RNF40: variants seen among roughly 807,000 people sequenced by gnomAD.
RNF40 encodes the protein E3 ubiquitin-protein ligase BRE1B.
Under a neutral mutation model 123.3 loss-of-function variants are expected in RNF40, and 39 were observed. That is an observed-to-expected ratio of 0.32 (90% CI 0.24 to 0.41). The LOEUF is 0.41. Among genes scored for constraint, RNF40 ranks in the 10% least tolerant of loss-of-function variants. The pLI is 1.00. For missense variants in RNF40, 1,003 were observed against 1,319.9 expected, an observed-to-expected ratio of 0.76 and a Z score of 3.72; for synonymous variants, 538 against 526.0, an observed-to-expected ratio of 1.02 and a Z score of -0.31.
In RNF40 at chr16:30,765,432, C is replaced by T; in HGVS notation, c.926C>T (p.Ser309Phe). ...HLAEALEQLNSGYYVSGSSSG... is the reference protein window; with the variant it reads ...HLAEALEQLNFGYYVSGSSSG... ...TCTGTTTTCTCTCCACAGCTTAACT[C>T]TGGCTACTATGTATCTGGGAGCTCC... is the stretch of plus-strand genomic sequence containing the variant. Residue 309 changes from serine (S) to phenylalanine (F), a missense_variant, in exon 8 of 20, where the codon TCT becomes TTT. Around this residue, in one of 11 missense-constraint regions of RNF40, gnomAD observed 274 missense variants for 356.9 expected, o/e 0.77. Coordinates refer to ENST00000324685, the MANE Select transcript of RNF40 (RefSeq NM_014771.4). The T allele has an allele frequency of 1.9e-6, 3 of 1,614,234 alleles. No homozygotes were observed. The highest frequency in any genetic ancestry group is 2.5e-6 in the Non-Finnish European group (3 of 1,180,044).
In RNF40 at chr16:30,768,946, C is replaced by T. The variant is rs1359935484; in HGVS notation, c.2206C>T (p.Gln736Ter). 6.2e-7 allele frequency: 1 copy of T among 1,613,982 alleles called. No individual in the cohort carries two copies. The highest frequency in any genetic ancestry group is 8.5e-7 in the Non-Finnish European group (1 of 1,180,044). Residue 736 changes from glutamine (Q) to a stop codon, truncating the protein, a stop_gained, in exon 15 of 20, where the codon CAG (glutamine) becomes TAG (stop). Coordinates refer to ENST00000324685, the MANE Select transcript of RNF40 (RefSeq NM_014771.4). LOFTEE classifies it high-confidence loss of function. The surrounding 1 kb of genome is among the most constrained non-coding windows in gnomAD (Gnocchi z 4.1). ...ALRRIRQAEE[Q>*]IEHLQRKLGA... ...GCGGCGCATTCGGCAGGCAGAGGAG[C>T]AGATAGAACACCTGCAGCGCAAGCT...
Position 30,763,437 on chromosome 16 carries a change from C to A in RNF40, c.320C>A (p.Ala107Asp), listed in dbSNP as rs2053937405. 6.2e-7 allele frequency: 1 copy of A among 1,607,948 alleles called. No individual in the cohort carries two copies. The highest frequency in any genetic ancestry group is 8.5e-7 in the Non-Finnish European group (1 of 1,177,270). The change falls in exon 4 of 20, where the codon GCC (alanine) becomes GAC (aspartate). Residue 107 changes from alanine (A) to aspartate (D), a missense_variant. Coordinates refer to ENST00000324685, the MANE Select transcript of RNF40 (RefSeq NM_014771.4). ...YWAQLDETVE[A>D]LLRCHESQGE... is the part of the protein sequence containing the mutation. ...TTCCAGCTGGATGAAACTGTGGAAG[C>A]CCTTCTCCGATGCCATGAGAGCCAG...
intron 4 of RNF40, among the ~76,000 whole-genome samples, chr16:30,763,842 T>G (rs1479933651): frequency 2.0e-5 from 3 of 152,198 alleles, no homozygotes; most frequent in Non-Finnish European, 4.4e-5. Context: ...GTGTTGCACT[T>G]GCTATAAGGG....
In RNF40 at chr16:30,765,173, G is replaced by C. The variant is rs770058380; in HGVS notation, c.772-8G>C. 1.9e-6 allele frequency: 3 copies of C among 1,613,956 alleles called. No homozygotes were observed. Among genetic ancestry groups the C allele is most frequent in the Admixed American group, 3.3e-5 (2 of 59,998 alleles). ...CCATCCAAGCATCTGCTCCCTCATTGTTCCCAGTACTCCGAGCTCCAGGAT... is the reference window on the plus strand; with the variant it reads ...CCATCCAAGCATCTGCTCCCTCATTCTTCCCAGTACTCCGAGCTCCAGGAT... On this transcript the variant is annotated splice_region_variant and splice_polypyrimidine_tract_variant and intron_variant, in intron 6 of 19. Coordinates refer to ENST00000324685, the MANE Select transcript of RNF40 (RefSeq NM_014771.4).
In RNF40 at chr16:30,768,143, A is replaced by C; in HGVS notation, c.1592A>C (p.Asn531Thr). 6.2e-7 allele frequency: 1 copy of C among 1,607,384 alleles called. No homozygotes were observed. The highest frequency in any genetic ancestry group is 1.7e-4 in the Middle Eastern group (1 of 6,020). ...QASGSAHSTP[N>T]LGHPEDSGVS... is the part of the protein sequence containing the mutation. Reference sequence around the variant, plus strand: ...AGTGGCTCTGCCCACTCCACCCCCAACCTGGGCCACCCAGAGGATTCTGGC... The same window carrying C: ...AGTGGCTCTGCCCACTCCACCCCCACCCTGGGCCACCCAGAGGATTCTGGC... The change falls in exon 13 of 20, where the codon AAC (asparagine) becomes ACC (threonine). Residue 531 changes from asparagine (N) to threonine (T), a missense_variant. Asn to Thr is a moderately conservative substitution (Grantham distance 65). Coordinates refer to ENST00000324685, the MANE Select transcript of RNF40 (RefSeq NM_014771.4). The surrounding 1 kb of genome is among the most constrained non-coding windows in gnomAD (Gnocchi z 4.1).
chr16:30,763,421 G>T lies in RNF40; in HGVS notation c.304G>T (p.Asp102Tyr). 6.2e-7 allele frequency: 1 copy of T among 1,604,640 alleles called. No homozygotes were observed. Among genetic ancestry groups the T allele is most frequent in the Non-Finnish European group, 8.5e-7 (1 of 1,175,308 alleles). Residue 102 changes from aspartate to tyrosine, a missense_variant, in exon 4 of 20, where the codon GAT becomes TAT. Transcript: ENST00000324685. Reference protein sequence around the residue: ...LIVNRYWAQLDETVEALLRCH... With the variant: ...LIVNRYWAQLYETVEALLRCH... ...TTTTGATGTTTTCTCCTTCCAGCTG[G>T]ATGAAACTGTGGAAGCCCTTCTCCG...
upstream of RNF40, chr16:30,761,740 G>A (rs1321293766): frequency 6.6e-7 from 1 of 1,522,946 alleles, no homozygotes. Flanking sequence ...TGGTCTTGCG[G>A]TTGAGCATCT....
At position 30,766,639 on chromosome 16, in the gene RNF40, G is replaced by A. The variant is rs530929739; in HGVS notation, c.1293+81G>A. Reference sequence around the variant, plus strand: ...ACGTGTTTGTGCCTTCCGAGGCCCTGTGTGCCAGCCAGGGGTCCCTGGGGA... The same window carrying A: ...ACGTGTTTGTGCCTTCCGAGGCCCTATGTGCCAGCCAGGGGTCCCTGGGGA... On this transcript the variant is annotated intron_variant, in intron 10 of 19. Transcript: ENST00000324685. The surrounding 1 kb of genome is among the most constrained non-coding windows in gnomAD (Gnocchi z 5.4). 6.3e-7 allele frequency: 1 copy of A among 1,584,666 alleles called. No individual in the cohort carries two copies. The highest frequency in any genetic ancestry group is 1.3e-5 in the African/African-American group (1 of 74,352).
Position 30,765,244 on chromosome 16 carries a change from G to T in RNF40, c.835G>T (p.Val279Leu). 1 of 1,614,256 alleles carries T rather than the reference G, an allele frequency of 6.2e-7. No individual in the cohort carries two copies. Residue 279 changes from valine to leucine, a missense_variant, in exon 7 of 20, where the codon GTG (valine) becomes TTG (leucine). Val to Leu is a conservative substitution (Grantham distance 32). This residue lies in a region of RNF40 where 274 missense variants were observed against 356.9 expected (regional missense o/e 0.77). Transcript: ENST00000324685. ...CAAGGTGCTGGAGATGGAGACAACA[G>T]TGGAGGACTTGCAGTGGGACATCGA... ...ETKVLEMETT[V>L]EDLQWDIEKL...
chr16:30,763,377 A>G, intron 3 of RNF40, 41 bp from the exon 4 acceptor site: 1 of 1,601,828 alleles, frequency 6.2e-7, no homozygotes, highest in South Asian at 1.1e-5. Flanking sequence ...GTTGGAAAGC[A>G]CTAAGGGATT....
At chr16:30,764,095 A>G (rs543995076) in intron 4 of RNF40, 84 bp from the exon 5 acceptor site, 471 of 1,086,726 alleles carry the variant, frequency 4.3e-4, no homozygotes, top group Admixed American at 7.3e-4. Context: ...AACCATGAGT[A>G]TTGAAGGGCT....
Position 30,768,392 on chromosome 16 carries a change from T to C in RNF40, c.1841T>C (p.Leu614Pro), listed in dbSNP as rs1359025501. The change falls in exon 13 of 20, where the codon CTT (leucine) becomes CCT (proline). Residue 614 changes from leucine to proline, a missense_variant. Coordinates refer to ENST00000324685, the MANE Select transcript of RNF40 (RefSeq NM_014771.4). This position sits in a 1 kb window ranked among gnomAD's most constrained non-coding sequence, Gnocchi z 4.1. Reference sequence around the variant, plus strand: ...CCTGAGGCCAGGCCCAAGCGGGAGCTTCGGGAACGGGAAGGTCCCAGCCTA... The same window carrying C: ...CCTGAGGCCAGGCCCAAGCGGGAGCCTCGGGAACGGGAAGGTCCCAGCCTA... ...REPEARPKRELREREGPSLGP... is the reference protein window; with the variant it reads ...REPEARPKREPREREGPSLGP... 6.2e-7 allele frequency: 1 copy of C among 1,613,740 alleles called. No individual in the cohort carries two copies. Among genetic ancestry groups the C allele is most frequent in the Non-Finnish European group, 8.5e-7 (1 of 1,179,892 alleles).
rs1487312403 is a variant in RNF40, at chr16:30,768,637, G to A, written c.1998G>A (p.Gln666=). ...RAELKKAQES[Q]KEMKLLLDMY... is the part of the protein sequence containing the mutation. ...TTGCCAGGAAGGCCCAGGAGAGCCA[G>A]AAGGAGATGAAACTGCTGCTGGATA... is the stretch of plus-strand genomic sequence containing the variant. The change falls in exon 14 of 20, where the codon CAG becomes CAA. Residue 666 remains glutamine, a synonymous_variant. Coordinates refer to ENST00000324685, the MANE Select transcript of RNF40 (RefSeq NM_014771.4). The surrounding 1 kb of genome is among the most constrained non-coding windows in gnomAD (Gnocchi z 4.1). The A allele has an allele frequency of 6.2e-7, 1 of 1,614,234 alleles. No individual in the cohort carries two copies. The highest frequency in any genetic ancestry group is 1.7e-5 in the Admixed American group (1 of 60,026).
In RNF40 at chr16:30,775,219, TGTA is replaced by T. The variant is rs1337325140; in HGVS notation, c.*1108_*1110del. The T allele has an allele frequency of 5.8e-6, 2 of 342,502 alleles. No individual in the cohort carries two copies. Among genetic ancestry groups the T allele is most frequent in the Non-Finnish European group, 1.1e-5 (2 of 174,334 alleles). The allele number at this position is 342,502 out of a possible 1,614,324, so 21.2% of individuals were successfully genotyped here. On this transcript the variant is annotated 3_prime_UTR_variant, in exon 20 of 20. Transcript: ENST00000324685. ...GAGTAGCCAGGCCGCGCACCCCAAA[TGTA>T]GTCCCCCGATTTTAGCTGCAGCAGC...
intron 17 of RNF40, among the ~76,000 whole-genome samples, chr16:30,770,178 C>G (rs1329003169): frequency 1.5e-5 from 2 of 134,196 alleles, no homozygotes; most frequent in Non-Finnish European, 3.1e-5. Flanking sequence ...GCGATCTCGG[C>G]TCACTGCAAC....
upstream of RNF40, chr16:30,761,840 G>A (rs1026751812): frequency 4.0e-6 from 5 of 1,235,840 alleles, no homozygotes; most frequent in Non-Finnish European, 5.5e-6. Context: ...CCAAGGCCGG[G>A]CCCGTTCGCC....
chr16:30,769,954 C>T (rs568450744), intron 17 of RNF40, among the ~76,000 whole-genome samples: 1 of 152,024 alleles, frequency 6.6e-6, no homozygotes, highest in Non-Finnish European at 1.5e-5. Flanking sequence ...TTAAAATTAG[C>T]TGGGTGTGCT....
Position 30,763,230 on chromosome 16 carries a change from A to C in RNF40, c.245A>C (p.Lys82Thr). Reference protein sequence around the residue: ...ELRERIEKLEKRQATDDATLL... With the variant: ...ELRERIEKLETRQATDDATLL... ...CGAGAACGAATTGAGAAGTTGGAGA[A>C]GCGGCAGGCCACAGATGATGCCACA... is the stretch of plus-strand genomic sequence containing the variant. The change falls in exon 3 of 20, where the codon AAG becomes ACG. Residue 82 changes from lysine to threonine, a missense_variant. Lys to Thr is a moderately conservative substitution (Grantham distance 78). Transcript: ENST00000324685. 6.2e-7 allele frequency: 1 copy of C among 1,614,128 alleles called. No individual in the cohort carries two copies. The highest frequency in any genetic ancestry group is 8.5e-7 in the Non-Finnish European group (1 of 1,180,022).
intron 17 of RNF40, 68 bp from the exon 18 acceptor site, chr16:30,771,765 G>GC: frequency 2.7e-6 from 4 of 1,490,368 alleles, no homozygotes. Context: ...GCATTGGTGG[G>GC]CCGTGACTCC....
Sources: allele counts gnomAD v4.1 joint callset (sites outside exome capture counted in the v4.1 genomes callset), GRCh38; gene constraint gnomAD v4.1.1; regional missense constraint gnomAD v4.1.1; non-coding constraint Gnocchi (gnomAD v3.1); transcripts MANE v1.5; gene names NCBI Gene and HGNC (gene_info 2026-07-23, HGNC 2026-07-21).